GABRB3: variants seen among roughly 807,000 people sequenced by gnomAD.
The protein encoded by GABRB3 is gamma-aminobutyric acid receptor subunit beta-3.
GABRB3 carries 14 observed loss-of-function variants against 52.1 expected under a neutral mutation model. The ratio of observed to expected loss-of-function variants is 0.27; its 90% CI spans 0.18 to 0.42. GABRB3 has a LOEUF of 0.42. GABRB3 is among the 10% of genes least tolerant of loss of function. The pLI is 1.00. For missense variants in GABRB3, 307 were observed against 609.1 expected, an observed-to-expected ratio of 0.50 and a Z score of 5.22; for synonymous variants, 260 against 232.3, an observed-to-expected ratio of 1.12 and a Z score of -1.08.
At chr15:26,708,800 T>G (rs1436680328) in intron 3 of GABRB3, among the ~76,000 whole-genome samples, 1 of 152,182 alleles carries the variant, frequency 6.6e-6, no homozygotes, top group Non-Finnish European at 1.5e-5. Context: ...TGTGTGACCT[T>G]AGGCAAGGTA....
At chr15:26,562,027 A>G (rs895384505) in intron 7 of GABRB3, among the ~76,000 whole-genome samples, 2 of 152,212 alleles carry the variant, frequency 1.3e-5, no homozygotes, top group African/African-American at 4.8e-5. Flanking sequence ...AGCTCAATTT[A>G]GTCTAAAACC....
chr15:26,589,336 A>G (rs1891107966), intron 4 of GABRB3, among the ~76,000 whole-genome samples: 1 of 152,164 alleles, frequency 6.6e-6, no homozygotes, highest in African/African-American at 2.4e-5. Flanking sequence ...CTACCTGTTG[A>G]CTTAGGTATA....
chr15:26,593,467 G>A (rs552466166), intron 4 of GABRB3, among the ~76,000 whole-genome samples: 45 of 152,040 alleles, frequency 3.0e-4, no homozygotes, highest in African/African-American at 1.1e-3. Context: ...CAATAACATC[G>A]ATTACCCTAA....
chr15:26,642,428 C>T, intron 3 of GABRB3: 1 of 1,233,878 alleles, frequency 8.1e-7, no homozygotes, highest in Non-Finnish European at 1.1e-6. Context: ...TATATGTATA[C>T]ATACATTTTC....
chr15:26,563,309 C>T (rs1293826891), intron 7 of GABRB3, among the ~76,000 whole-genome samples: 1 of 152,238 alleles, frequency 6.6e-6, no homozygotes, highest in Non-Finnish European at 1.5e-5. Context: ...TGGATCCAGG[C>T]TGATTGGCAC....
At chr15:26,635,049 T>C (rs1168818344) in intron 3 of GABRB3, among the ~76,000 whole-genome samples, 1 of 135,362 alleles carries the variant, frequency 7.4e-6, no homozygotes, top group Non-Finnish European at 1.6e-5. Context: ...AGAGACTTTA[T>C]ATGTTGAAAC....
chr15:26,695,193 CA>C (rs1480429988), intron 3 of GABRB3, among the ~76,000 whole-genome samples: 4 of 151,866 alleles, frequency 2.6e-5, no homozygotes, highest in African/African-American at 7.3e-5. Context: ...AAATGACCCC[CA>C]AAAAATGTAC....
chr15:26,700,426 C>G (rs12907120), intron 3 of GABRB3, among the ~76,000 whole-genome samples: 11,526 of 152,226 alleles, frequency 0.076, 557 homozygotes, highest in Middle Eastern at 0.16. Flanking sequence ...TCTATGTAAA[C>G]TCTTCCAGAA....
At chr15:26,721,552 G>C (rs1783277373) in intron 3 of GABRB3, among the ~76,000 whole-genome samples, 2 of 151,724 alleles carry the variant, frequency 1.3e-5, no homozygotes, top group Admixed American at 1.3e-4. Flanking sequence ...ATTTCTCTGG[G>C]TATCTCACAG....
At chr15:26,625,587 A>T (rs867942494) in intron 3 of GABRB3, 1 of 201,118 alleles carries the variant, frequency 5.0e-6, no homozygotes, top group Admixed American at 1.3e-4. Flanking sequence ...GATTAAAGGA[A>T]TAGCAGAGGG....
At chr15:26,692,023 G>C (rs1888604128) in intron 3 of GABRB3, among the ~76,000 whole-genome samples, 1 of 152,132 alleles carries the variant, frequency 6.6e-6, no homozygotes, top group Non-Finnish European at 1.5e-5. Flanking sequence ...TCAGTAGCTT[G>C]CCACAAATCA....
intron 3 of GABRB3, among the ~76,000 whole-genome samples, chr15:26,625,751 G>A (rs2140547615): frequency 6.6e-6 from 1 of 152,228 alleles, no homozygotes; most frequent in South Asian, 2.1e-4. Context: ...TGGCCACTCT[G>A]CGGCAGGGTG....
At chr15:26,609,194 ATGGAAT>A (rs1891968121) in intron 4 of GABRB3, among the ~76,000 whole-genome samples, 1 of 152,022 alleles carries the variant, frequency 6.6e-6, no homozygotes, top group African/African-American at 2.4e-5. Flanking sequence ...GACAACACTG[ATGGAAT>A]TGGAGAACAT....
At chr15:26,698,983 TAAAAC>T (rs1888837137) in intron 3 of GABRB3, among the ~76,000 whole-genome samples, 1 of 152,120 alleles carries the variant, frequency 6.6e-6, no homozygotes, top group Admixed American at 6.6e-5. Context: ...AAAATTTTAA[TAAAAC>T]TAAGAGAAAA....
intron 3 of GABRB3, among the ~76,000 whole-genome samples, chr15:26,690,071 T>A (rs1681936118): frequency 6.6e-6 from 1 of 151,602 alleles, no homozygotes; most frequent in Non-Finnish European, 1.5e-5. Flanking sequence ...TACAGCTCTT[T>A]TTTTTACCAA....
chr15:26,725,357 T>G (rs1357165647), intron 3 of GABRB3, among the ~76,000 whole-genome samples: 1 of 152,148 alleles, frequency 6.6e-6, no homozygotes, highest in East Asian at 1.9e-4. Context: ...CCCCTCCACC[T>G]TCCCCTCCTC....
intron 3 of GABRB3, among the ~76,000 whole-genome samples, chr15:26,757,957 T>G (rs1005018214): frequency 1.3e-5 from 2 of 152,182 alleles, no homozygotes; most frequent in Admixed American, 1.3e-4. Context: ...TTACAAGCCC[T>G]CTTCTCTACC....
intron 4 of GABRB3, chr15:26,615,894 A>G (rs372528871): frequency 3.2e-6 from 4 of 1,268,230 alleles, no homozygotes; most frequent in East Asian, 5.6e-5. Flanking sequence ...TTTCAAGCAC[A>G]TAATCAGTAG....
chr15:26,601,880 A>C (rs1181984617), intron 4 of GABRB3, among the ~76,000 whole-genome samples: 2 of 152,214 alleles, frequency 1.3e-5, no homozygotes, highest in African/African-American at 2.4e-5. Context: ...CCAGAAAACA[A>C]CAAAATGGCA....
Sources: allele counts gnomAD v4.1 joint callset (sites outside exome capture counted in the v4.1 genomes callset), GRCh38; gene constraint gnomAD v4.1.1; transcripts MANE v1.5; gene names NCBI Gene and HGNC (gene_info 2026-07-23, HGNC 2026-07-21).